EFL1: variants seen among roughly 807,000 people sequenced by gnomAD.
EFL1 encodes the protein elongation factor-like GTPase 1.
In EFL1, 76 loss-of-function variants were observed where a neutral mutation model predicts 126.7. The observed-to-expected ratio is 0.60, with a 90% CI of 0.50 to 0.73. EFL1 has a LOEUF of 0.73. EFL1 is among the 30% of genes least tolerant of loss of function. The pLI is 0.00. For synonymous variants in EFL1, 410 were observed against 448.4 expected, an observed-to-expected ratio of 0.91 and a Z score of 1.08; for missense variants, 1,128 against 1,343.2, an observed-to-expected ratio of 0.84 and a Z score of 2.50.
At chr15:82,229,604 T>A (rs903680283) in intron 8 of EFL1, among the ~76,000 whole-genome samples, 4 of 152,158 alleles carry the variant, frequency 2.6e-5, no homozygotes, top group African/African-American at 9.7e-5. Context: ...AGGGGTATAC[T>A]CTTCCATACA....
At position 82,227,544 on chromosome 15, in the gene EFL1, G is replaced by C; in HGVS notation, c.1098C>G (p.Pro366=). The C allele has an allele frequency of 6.2e-7, 1 of 1,614,122 alleles. No homozygotes were observed. Among genetic ancestry groups the C allele is most frequent in the Non-Finnish European group, 8.5e-7 (1 of 1,180,008 alleles). ...CCACTCTCTCAGCTGTAATATCAAG[G>C]GGACTAGGAAGTTTCTGACACACCA... ...LAMVCQKLPS[P]LDITAERVER... The change falls in exon 11 of 20, where the codon CCC becomes CCG. Residue 366 remains proline (P), a synonymous_variant. Coordinates refer to ENST00000268206, the MANE Select transcript of EFL1 (RefSeq NM_024580.6).
intron 18 of EFL1, among the ~76,000 whole-genome samples, chr15:82,143,732 G>A (rs1416788080): frequency 1.3e-5 from 2 of 152,170 alleles, no homozygotes; most frequent in African/African-American, 4.8e-5. Context: ...GTTGTCCTTA[G>A]TGAGTCTGCT....
intron 15 of EFL1, among the ~76,000 whole-genome samples, chr15:82,207,207 GA>G (rs2074533203): frequency 6.6e-6 from 1 of 150,548 alleles, no homozygotes; most frequent in African/African-American, 2.4e-5. Flanking sequence ...CTAGTAAACA[GA>G]AAAAGGAGGA....
At chr15:82,221,539 G>A (rs1306477939) in intron 12 of EFL1, among the ~76,000 whole-genome samples, 1 of 152,120 alleles carries the variant, frequency 6.6e-6, no homozygotes, top group East Asian at 1.9e-4. Flanking sequence ...TAGTATCCAG[G>A]ACTAGACACT....
At chr15:82,202,493 T>A (rs1400476885) in intron 15 of EFL1, among the ~76,000 whole-genome samples, 4 of 152,162 alleles carry the variant, frequency 2.6e-5, no homozygotes, top group Non-Finnish European at 5.9e-5. Context: ...TAATTGACAT[T>A]TTGCTTTTTG....
chr15:82,173,557 G>C (rs1199616390), intron 15 of EFL1, among the ~76,000 whole-genome samples: 1 of 152,108 alleles, frequency 6.6e-6, no homozygotes, highest in Non-Finnish European at 1.5e-5. Flanking sequence ...GTTTTAAAAA[G>C]TGAATGATTG....
intron 19 of EFL1, among the ~76,000 whole-genome samples, chr15:82,137,670 G>C (rs915076157): frequency 5.3e-5 from 8 of 152,316 alleles, no homozygotes; most frequent in African/African-American, 1.9e-4. Context: ...CATGGTAAAA[G>C]GGAATAATGT....
At chr15:82,165,512 C>T (rs563032197) in intron 15 of EFL1, among the ~76,000 whole-genome samples, 2 of 152,282 alleles carry the variant, frequency 1.3e-5, no homozygotes, top group East Asian at 3.9e-4. Flanking sequence ...TGTCCGACTA[C>T]ACAGTATGGA....
chr15:82,241,201 A>G (rs1477205701), intron 5 of EFL1, 69 bp downstream of exon 5: 5 of 1,574,552 alleles, frequency 3.2e-6, no homozygotes, highest in Non-Finnish European at 4.3e-6. Flanking sequence ...TGAAATGCCT[A>G]AAGTCAGTCA....
At chr15:82,191,329 T>G (rs576876613) in intron 15 of EFL1, among the ~76,000 whole-genome samples, 14 of 152,328 alleles carry the variant, frequency 9.2e-5, no homozygotes, top group Admixed American at 8.5e-4. Context: ...CACTCAAATG[T>G]AGCCTATCTA....
At chr15:82,170,423 G>A (rs2074123549) in intron 15 of EFL1, among the ~76,000 whole-genome samples, 1 of 152,164 alleles carries the variant, frequency 6.6e-6, no homozygotes, top group Admixed American at 6.5e-5. Flanking sequence ...CCCACTGGAT[G>A]TCTAAGTGAG....
At position 82,220,311 on chromosome 15, in the gene EFL1, T is replaced by C. The variant is rs2074698332; in HGVS notation, c.1293-82A>G. 1.4e-5 allele frequency: 21 copies of C among 1,489,928 alleles called. No homozygotes were observed. The South Asian group carries it at 3.0e-4, about 21-fold the overall frequency. The allele number at this position is 1,489,928 out of a possible 1,614,324, so 92.3% of individuals were successfully genotyped here. On this transcript the variant is annotated intron_variant, in intron 12 of 19. Coordinates refer to ENST00000268206, the MANE Select transcript of EFL1 (RefSeq NM_024580.6). ...CAAGCATTGACATGGCTGGGTAAGATGAAGATTGGTCCCAGCTCCATTCCA... is the reference window on the plus strand; with the variant it reads ...CAAGCATTGACATGGCTGGGTAAGACGAAGATTGGTCCCAGCTCCATTCCA...
At chr15:82,205,971 T>C (rs553035803) in intron 15 of EFL1, among the ~76,000 whole-genome samples, 3 of 152,340 alleles carry the variant, frequency 2.0e-5, no homozygotes, top group Non-Finnish European at 4.4e-5. Flanking sequence ...GCTAACAATC[T>C]GATCTGGGTG....
chr15:82,223,806 CACTT>C (rs2074735235), intron 12 of EFL1, among the ~76,000 whole-genome samples: 1 of 152,200 alleles, frequency 6.6e-6, no homozygotes, highest in African/African-American at 2.4e-5. Flanking sequence ...ATTATTCACT[CACTT>C]ACTTACTCAG....
chr15:82,216,926 G>C (rs564353313), intron 14 of EFL1, among the ~76,000 whole-genome samples: 13 of 152,116 alleles, frequency 8.5e-5, no homozygotes, highest in African/African-American at 3.1e-4. Context: ...ATTCAAAACT[G>C]ACAAGGAATT....
Position 82,244,884 on chromosome 15 carries a change from G to A in EFL1, c.245-3481C>T, listed in dbSNP as rs146310972. ...TAAAGCATACATAGAAAGCTGATGA[G>A]AGAAAACTTTCCATAAAATAAAAAA... On this transcript the variant is annotated intron_variant, in intron 4 of 19. Coordinates refer to ENST00000268206, the MANE Select transcript of EFL1 (RefSeq NM_024580.6). Among the ~76,000 whole-genome samples, 62 of 152,250 alleles carry A rather than the reference G, an allele frequency of 4.1e-4. 1 individual carries two copies. Among genetic ancestry groups the A allele is most frequent in the African/African-American group, 1.3e-3 (55 of 41,492 alleles).
chr15:82,214,280 C>A (rs917828936), intron 15 of EFL1, among the ~76,000 whole-genome samples: 1 of 152,208 alleles, frequency 6.6e-6, no homozygotes, highest in Admixed American at 6.5e-5. Flanking sequence ...CGACGATCAA[C>A]TAATCTTAGC....
chr15:82,260,645 G>T (rs567800281), intron 2 of EFL1, among the ~76,000 whole-genome samples: 1 of 152,216 alleles, frequency 6.6e-6, no homozygotes, highest in Non-Finnish European at 1.5e-5. Context: ...TATAAAGCAG[G>T]TATAGTTTTC....
chr15:82,225,308 T>TAA (rs371280599), intron 11 of EFL1, 44 bp from the exon 12 acceptor site: 1,155 of 1,114,004 alleles, frequency 1.0e-3, no homozygotes, highest in South Asian at 2.7e-3. Context: ...TTCCCATTAT[T>TAA]AAAAAAAAAA....
Sources: gnomAD v4.1 joint callset for allele counts (sites outside exome capture counted in the v4.1 genomes callset) on GRCh38, gnomAD v4.1.1 for gene constraint, MANE v1.5 for transcripts, NCBI Gene and HGNC (gene_info 2026-07-23, HGNC 2026-07-21) for gene names.